Variants in HPSE2 observed in about 807,000 individuals in gnomAD.
HPSE2 encodes heparanase 2 (inactive).
Under a neutral mutation model 60.5 loss-of-function variants are expected in HPSE2, and 38 were observed. The observed-to-expected ratio is 0.63, with a 90% CI of 0.48 to 0.82. The LOEUF (loss-of-function observed/expected upper bound fraction) is 0.82, where lower values mean the gene tolerates loss of function less well. Among genes scored for constraint, HPSE2 ranks in the 40% least tolerant of loss-of-function variants. The probability of loss-of-function intolerance (pLI) is 0.00; values close to 1 mark genes in which losing one functional copy is unlikely to be tolerated. For synonymous variants in HPSE2, 295 were observed against 293.2 expected (o/e 1.01, Z -0.06); for missense variants, 713 against 740.4 (o/e 0.96, Z 0.43).
chr10:99,054,085 C>G (rs1405410286), intron 3 of HPSE2, among the ~76,000 whole-genome samples: 1 of 151,924 alleles, frequency 6.6e-6, no homozygotes, highest in Non-Finnish European at 1.5e-5. Context: ...CCTGAGGCAG[C>G]AGAAATTAGA....
At chr10:98,490,301 A>G in intron 9 of HPSE2, 105 bp from the exon 10 acceptor site, 1 of 1,332,678 alleles carries the variant, frequency 7.5e-7, no homozygotes, top group Non-Finnish European at 1.1e-6. Flanking sequence ...ACGGGCCAGA[A>G]ATCACTTCCT....
intron 3 of HPSE2, among the ~76,000 whole-genome samples, chr10:98,866,875 G>A (rs183898199): frequency 2.6e-4 from 39 of 152,242 alleles, no homozygotes; most frequent in African/African-American, 8.4e-4. Context: ...TATAAGAAAT[G>A]TTAAAGATTG....
In HPSE2 at chr10:98,562,974, A is replaced by AAAAC. The variant is rs368025622; in HGVS notation, c.1320+51926_1320+51929dup. On this transcript the variant is annotated intron_variant, in intron 9 of 11. Transcript: ENST00000370552. ...AATGGTTCCTGGGGCTCTGGCTTAAAAAACAAACAAACAAACAAACCCAAA... is the reference window on the plus strand; with the variant it reads ...AATGGTTCCTGGGGCTCTGGCTTAAAAAACAAACAAACAAACAAACAAACCCAAA... 1.7e-3 allele frequency among the ~76,000 whole-genome samples: 256 copies of AAAAC among 152,204 alleles called. 1 individual carries two copies. Among genetic ancestry groups the AAAAC allele is most frequent in the African/African-American group, 5.9e-3 (245 of 41,522 alleles).
chr10:98,984,700 A>C (rs1956294194), intron 3 of HPSE2, among the ~76,000 whole-genome samples: 1 of 152,200 alleles, frequency 6.6e-6, no homozygotes, highest in African/African-American at 2.4e-5. Flanking sequence ...CTCTGAGCTA[A>C]AGGAGGAAGT....
At chr10:98,943,502 G>T (rs546217939) in intron 3 of HPSE2, among the ~76,000 whole-genome samples, 1 of 152,086 alleles carries the variant, frequency 6.6e-6, no homozygotes, top group East Asian at 1.9e-4. Context: ...CGTATTCATA[G>T]CCCTGTGTAG....
chr10:98,888,413 T>C (rs1953235143), intron 3 of HPSE2, among the ~76,000 whole-genome samples: 1 of 152,170 alleles, frequency 6.6e-6, no homozygotes. Context: ...TAATTATAAT[T>C]GACTATCCTA....
At chr10:98,957,189 G>A (rs2135217207) in intron 3 of HPSE2, among the ~76,000 whole-genome samples, 1 of 152,288 alleles carries the variant, frequency 6.6e-6, no homozygotes, top group South Asian at 2.1e-4. Context: ...TCTGAGGTAT[G>A]ACCAGCTGCA....
chr10:98,938,108 C>T (rs1445987756), intron 3 of HPSE2, among the ~76,000 whole-genome samples: 3 of 142,902 alleles, frequency 2.1e-5, no homozygotes, highest in Non-Finnish European at 3.0e-5. Context: ...TCATCAAAGA[C>T]CAAAAGTAGA....
intron 6 of HPSE2, among the ~76,000 whole-genome samples, chr10:98,655,878 C>T (rs1947047290): frequency 6.6e-6 from 1 of 152,120 alleles, no homozygotes. Context: ...CTTTCCAGAT[C>T]CAAGACTCAA....
chr10:98,521,777 T>C (rs896547874), intron 9 of HPSE2, among the ~76,000 whole-genome samples: 3 of 152,148 alleles, frequency 2.0e-5, no homozygotes, highest in African/African-American at 7.2e-5. Flanking sequence ...ATGTGGCACA[T>C]ATACACCATA....
chr10:98,594,455 T>A (rs1945176657), intron 9 of HPSE2, among the ~76,000 whole-genome samples: 1 of 152,156 alleles, frequency 6.6e-6, no homozygotes, highest in Admixed American at 6.5e-5. Context: ...AATGGTTTTT[T>A]TAGTGGAGTC....
At chr10:99,002,829 T>A (rs768450767) in intron 3 of HPSE2, among the ~76,000 whole-genome samples, 3 of 152,126 alleles carry the variant, frequency 2.0e-5, no homozygotes, top group Non-Finnish European at 4.4e-5. Context: ...TATGTATACA[T>A]GGTGGAATGG....
At chr10:98,820,779 A>G (rs1287297287) in intron 3 of HPSE2, among the ~76,000 whole-genome samples, 1 of 152,214 alleles carries the variant, frequency 6.6e-6, no homozygotes, top group Admixed American at 6.5e-5. Context: ...CATGACAGCT[A>G]TATCAGCCAC....
rs147915400 is a variant in HPSE2, at chr10:98,835,411, A to C, written c.611-91355T>G. ...CAAGACAAAACTACAGTATCTAGGA[A>C]TGCACCCTTGGTTAATAAAAAATAT... On this transcript the variant is annotated intron_variant, in intron 3 of 11. Coordinates refer to ENST00000370552, the MANE Select transcript of HPSE2 (RefSeq NM_021828.5). Among the ~76,000 whole-genome samples the C allele has an allele frequency of 1.2e-4, 19 of 152,332 alleles. 1 individual carries two copies. The East Asian group carries it at 3.7e-3, about 29-fold the overall frequency.
At chr10:98,976,735 C>CG (rs1956094592) in intron 3 of HPSE2, among the ~76,000 whole-genome samples, 1 of 120,208 alleles carries the variant, frequency 8.3e-6, no homozygotes, top group Admixed American at 8.3e-5. Context: ...CCGTGGTAAG[C>CG]GAAAAAAAAA....
intron 7 of HPSE2, among the ~76,000 whole-genome samples, chr10:98,627,751 A>G (rs1276848538): frequency 6.6e-6 from 1 of 152,252 alleles, no homozygotes; most frequent in East Asian, 1.9e-4. Flanking sequence ...TTAGAGGTGT[A>G]AACCAAAATA....
chr10:98,739,630 A>C (rs558161703), intron 4 of HPSE2, among the ~76,000 whole-genome samples: 46 of 152,286 alleles, frequency 3.0e-4, no homozygotes, highest in African/African-American at 1.1e-3. Context: ...ATTTTACAAA[A>C]TTACTTAGTA....
intron 9 of HPSE2, among the ~76,000 whole-genome samples, chr10:98,522,581 T>C (rs1439562483): frequency 6.6e-6 from 1 of 152,144 alleles, no homozygotes; most frequent in African/African-American, 2.4e-5. Flanking sequence ...TTCAAGAGAT[T>C]CTCCTGCCTC....
intron 9 of HPSE2, among the ~76,000 whole-genome samples, chr10:98,542,032 ACCCC>A (rs1943485866): frequency 5.8e-4 from 3 of 5,168 alleles, no homozygotes; most frequent in South Asian, 0.038. Context: ...TGGGTCCCTG[ACCCC>A]TGACCCCTGA....
Sources: gnomAD v4.1 joint callset for allele counts (sites outside exome capture counted in the v4.1 genomes callset) on GRCh38, gnomAD v4.1.1 for gene constraint, MANE v1.5 for transcripts, NCBI Gene and HGNC (gene_info 2026-07-23, HGNC 2026-07-21) for gene names.